L3MBTL3: variants seen among roughly 807,000 people sequenced by gnomAD.
L3MBTL3 encodes the protein L3MBTL histone methyl-lysine binding protein 3.
In L3MBTL3, 27 loss-of-function variants were observed where a neutral mutation model predicts 102.3. That is an observed-to-expected ratio of 0.26 (90% CI 0.19 to 0.36). The LOEUF is 0.36. Ranked by LOEUF, L3MBTL3 falls within the 10% of genes least tolerant of loss-of-function variation. The pLI is 1.00. For synonymous variants in L3MBTL3, 340 were observed against 320.9 expected, an observed-to-expected ratio of 1.06 and a Z score of -0.64; for missense variants, 798 against 955.3, an observed-to-expected ratio of 0.84 and a Z score of 2.17.
chr6:130,097,697 C>T (rs1475729788), intron 18 of L3MBTL3, among the ~76,000 whole-genome samples: 1 of 152,048 alleles, frequency 6.6e-6, no homozygotes, highest in African/African-American at 2.4e-5. Flanking sequence ...CAGTGTTTCC[C>T]TTTGTCACTT....
At chr6:130,104,826 G>A (rs1445402046) in intron 19 of L3MBTL3, among the ~76,000 whole-genome samples, 2 of 150,898 alleles carry the variant, frequency 1.3e-5, no homozygotes, top group Non-Finnish European at 2.9e-5. Context: ...TTTGCTTGGT[G>A]TTAGAGGTAG....
chr6:130,120,476 T>C (rs1786074817), intron 19 of L3MBTL3, among the ~76,000 whole-genome samples: 1 of 152,206 alleles, frequency 6.6e-6, no homozygotes, highest in African/African-American at 2.4e-5. Context: ...CAAATCCCAG[T>C]GCTGAGTCGT....
intron 3 of L3MBTL3, among the ~76,000 whole-genome samples, chr6:130,048,558 T>C (rs1780866382): frequency 6.6e-6 from 1 of 152,214 alleles, no homozygotes; most frequent in Non-Finnish European, 1.5e-5. Flanking sequence ...GAATGGAATG[T>C]CCATGAAATC....
In L3MBTL3 at chr6:130,051,304, A is replaced by C; in HGVS notation, c.345A>C (p.Glu115Asp). Residue 115 changes from glutamate to aspartate, a missense_variant, in exon 6 of 23, where the codon GAA (glutamate) becomes GAC (aspartate). Glu to Asp is a conservative substitution (Grantham distance 45). Coordinates refer to ENST00000361794, the MANE Select transcript of L3MBTL3 (RefSeq NM_032438.4). The part of the protein sequence containing the change: ...PFRLKDPVKV[E>D]GLQFCENCCQ... ...GGTTGAAGGATCCAGTGAAAGTAGA[A>C]GGGCTTCAGTTCTGTGAGAACTGTT... 1 of 1,613,934 alleles carries C rather than the reference A, an allele frequency of 6.2e-7. No homozygotes were observed. Among genetic ancestry groups the C allele is most frequent in the Non-Finnish European group, 8.5e-7 (1 of 1,179,788 alleles).
intron 20 of L3MBTL3, among the ~76,000 whole-genome samples, chr6:130,132,367 G>T (rs1023171466): frequency 5.3e-5 from 8 of 152,216 alleles, no homozygotes; most frequent in African/African-American, 1.9e-4. Flanking sequence ...GGAAGGGTGT[G>T]CTGGCCACGT....
chr6:130,085,042 C>G (rs1261963487), intron 15 of L3MBTL3, among the ~76,000 whole-genome samples: 1 of 152,122 alleles, frequency 6.6e-6, no homozygotes, highest in Admixed American at 6.5e-5. Context: ...GTTGCCTGGG[C>G]TGGTCTCAAA....
intron 3 of L3MBTL3, among the ~76,000 whole-genome samples, chr6:130,047,764 A>G (rs1268971554): frequency 6.6e-6 from 1 of 152,180 alleles, no homozygotes; most frequent in Non-Finnish European, 1.5e-5. Context: ...TGCCCAGCAG[A>G]TGGTACTGTC....
Position 130,028,755 on chromosome 6 carries a change from T to G in L3MBTL3, c.-16+6450T>G, listed in dbSNP as rs150645874. Among the ~76,000 whole-genome samples, 359 of 152,366 alleles carry G rather than the reference T, an allele frequency of 2.4e-3. 4 individuals are homozygous for G. In the South Asian group the frequency reaches 0.029, roughly 12 times the overall value. On this transcript the variant is annotated intron_variant, in intron 2 of 22. Transcript: ENST00000361794. ...GATGCTTCAAGTGTGAGTTTAGATT[T>G]TCTCTTATCCTTATTGAATAAGTCT...
At chr6:130,107,896 C>A (rs1260534578) in intron 19 of L3MBTL3, among the ~76,000 whole-genome samples, 1 of 152,158 alleles carries the variant, frequency 6.6e-6, no homozygotes, top group Non-Finnish European at 1.5e-5. Context: ...CTTAATGTAG[C>A]TCTGAAGATT....
chr6:130,136,456 TC>T (rs1787677270), intron 22 of L3MBTL3, among the ~76,000 whole-genome samples: 1 of 152,118 alleles, frequency 6.6e-6, no homozygotes, highest in Non-Finnish European at 1.5e-5. Flanking sequence ...AGAACACTCT[TC>T]CTCCAGATGT....
intron 15 of L3MBTL3, among the ~76,000 whole-genome samples, chr6:130,084,751 A>T (rs979874637): frequency 1.3e-5 from 2 of 152,176 alleles, no homozygotes; most frequent in African/African-American, 4.8e-5. Flanking sequence ...GAGAAAACAG[A>T]TTTCTCTAGT....
intron 20 of L3MBTL3, among the ~76,000 whole-genome samples, chr6:130,132,375 C>T (rs961374878): frequency 6.6e-6 from 1 of 152,146 alleles, no homozygotes; most frequent in East Asian, 1.9e-4. Context: ...GTGCTGGCCA[C>T]GTTTTGTTTT....
intron 7 of L3MBTL3, among the ~76,000 whole-genome samples, chr6:130,054,176 G>T (rs148966610): frequency 3.3e-5 from 5 of 152,288 alleles, no homozygotes; most frequent in African/African-American, 1.2e-4. Context: ...AGTCCTTAAG[G>T]TAAGAACTTG....
chr6:130,086,251 G>A lies in L3MBTL3; in HGVS notation c.1518+1G>A. On this transcript the variant is annotated splice_donor_variant, in intron 16 of 22. Transcript: ENST00000361794. LOFTEE classifies it high-confidence loss of function. ...AGACACAGATGATCACCGGGTAAAA[G>A]TAAGTGTTCTGTGTGGGGGGTTGGC... is the stretch of plus-strand genomic sequence containing the variant. 6.3e-7 allele frequency: 1 copy of A among 1,590,050 alleles called. No individual in the cohort carries two copies. Among genetic ancestry groups the A allele is most frequent in the Non-Finnish European group, 8.6e-7 (1 of 1,161,072 alleles).
chr6:130,086,998 A>G, intron 16 of L3MBTL3, among the ~76,000 whole-genome samples: 1 of 152,218 alleles, frequency 6.6e-6, no homozygotes. Context: ...TGTGGGAAGT[A>G]TACATTGTTA....
At chr6:130,129,696 G>A (rs73602360) in intron 20 of L3MBTL3, among the ~76,000 whole-genome samples, 2,642 of 152,212 alleles carry the variant, frequency 0.017, 74 homozygotes, top group African/African-American at 0.06. Flanking sequence ...GCATGTCAAT[G>A]GTTTGAGAGG....
intron 8 of L3MBTL3, 74 bp from the exon 9 acceptor site, chr6:130,057,332 G>A (rs758647911): frequency 7.2e-6 from 8 of 1,110,000 alleles, no homozygotes; most frequent in East Asian, 2.5e-5. Flanking sequence ...AGTCAGGGAC[G>A]TGTGAGTTCA....
At chr6:130,031,411 T>A (rs1239872685) in intron 2 of L3MBTL3, among the ~76,000 whole-genome samples, 5 of 152,226 alleles carry the variant, frequency 3.3e-5, no homozygotes, top group Non-Finnish European at 5.9e-5. Flanking sequence ...TGTGATGTGA[T>A]AATAGTGCCA....
intron 13 of L3MBTL3, among the ~76,000 whole-genome samples, chr6:130,074,910 G>A (rs948143485): frequency 6.6e-6 from 1 of 152,190 alleles, no homozygotes; most frequent in African/African-American, 2.4e-5. Context: ...CTGATTGCCT[G>A]TAAGTGTAGT....
Sources: gnomAD v4.1 joint callset for allele counts (sites outside exome capture counted in the v4.1 genomes callset) on GRCh38, gnomAD v4.1.1 for gene constraint, MANE v1.5 for transcripts, NCBI Gene and HGNC (gene_info 2026-07-23, HGNC 2026-07-21) for gene names.